Variants in PCSK2 observed in about 807,000 individuals in gnomAD.
The protein encoded by PCSK2 is proprotein convertase subtilisin/kexin type 2.
PCSK2 carries 14 observed loss-of-function variants against 69.7 expected under a neutral mutation model. The ratio of observed to expected loss-of-function variants is 0.20; its 90% CI spans 0.13 to 0.31. The LOEUF (loss-of-function observed/expected upper bound fraction) is 0.31, where lower values mean the gene tolerates loss of function less well. PCSK2 is among the 10% of genes least tolerant of loss of function. The pLI is 1.00. For synonymous variants in PCSK2, 307 were observed against 320.7 expected, an observed-to-expected ratio of 0.96 and a Z score of 0.46; for missense variants, 544 against 842.5, an observed-to-expected ratio of 0.65 and a Z score of 4.39.
rs546790578 is a variant in PCSK2, at chr20:17,479,044, A to G, written c.1431-2540A>G. On this transcript the variant is annotated intron_variant, in intron 11 of 11. Coordinates refer to ENST00000262545, the MANE Select transcript of PCSK2 (RefSeq NM_002594.5). ...CTATTTTTGAAAGGATACACTGACA[A>G]ATTCTTAAGTTAATGGCTTTAACCC... 5 of 1,114,960 alleles carry G rather than the reference A, an allele frequency of 4.5e-6. No homozygotes were observed. In the Admixed American group the frequency reaches 8.6e-5, roughly 19 times the overall value. The allele number at this position is 1,114,960 out of a possible 1,614,324, so 69.1% of individuals were successfully genotyped here.
At chr20:17,303,259 A>G (rs1268709887) in intron 2 of PCSK2, among the ~76,000 whole-genome samples, 1 of 141,190 alleles carries the variant, frequency 7.1e-6, no homozygotes, top group Non-Finnish European at 1.5e-5. Context: ...TATATAATAT[A>G]TATTAGTATA....
intron 8 of PCSK2, among the ~76,000 whole-genome samples, chr20:17,439,017 C>G (rs888649480): frequency 6.6e-6 from 1 of 152,210 alleles, no homozygotes; most frequent in Non-Finnish European, 1.5e-5. Context: ...GGGAACACCT[C>G]CCACAAACAC....
chr20:17,244,158 A>T (rs887678524), intron 1 of PCSK2, among the ~76,000 whole-genome samples: 3 of 152,204 alleles, frequency 2.0e-5, no homozygotes, highest in African/African-American at 7.2e-5. Flanking sequence ...TAGGAAAATA[A>T]TTTTTTAAAT....
At chr20:17,277,376 G>A (rs935293999) in intron 2 of PCSK2, among the ~76,000 whole-genome samples, 5 of 152,120 alleles carry the variant, frequency 3.3e-5, no homozygotes, top group Admixed American at 3.3e-4. Flanking sequence ...CAGATATATA[G>A]ACCAATGGAA....
At chr20:17,399,056 A>G (rs2031578932) in intron 5 of PCSK2, among the ~76,000 whole-genome samples, 2 of 152,246 alleles carry the variant, frequency 1.3e-5, no homozygotes, top group African/African-American at 4.8e-5. Context: ...ATGAAAAAAA[A>G]TAAGTGATTG....
intron 1 of PCSK2, among the ~76,000 whole-genome samples, chr20:17,246,816 G>A (rs776055107): frequency 1.3e-5 from 2 of 151,546 alleles, no homozygotes; most frequent in Non-Finnish European, 2.9e-5. Flanking sequence ...AAAAAAAGTG[G>A]TTTCTCTTTA....
intron 2 of PCSK2, among the ~76,000 whole-genome samples, chr20:17,328,295 C>T (rs1439152063): frequency 6.6e-6 from 1 of 151,008 alleles, no homozygotes; most frequent in Non-Finnish European, 1.5e-5. Flanking sequence ...AGTTTCCTTC[C>T]CATGTATGTG....
chr20:17,387,435 G>T (rs1317702098), intron 5 of PCSK2, among the ~76,000 whole-genome samples: 1 of 152,212 alleles, frequency 6.6e-6, no homozygotes, highest in Non-Finnish European at 1.5e-5. Flanking sequence ...CATGACTGCA[G>T]TCAACTGAAG....
rs1206169244 is a variant in PCSK2 at position 17,335,178 on chromosome 20, G to A, written c.283-23149G>A. ...TTGGGATGCCATATACTTGCAGTCAGACGGCAGCGGAGATTGGGGGGGTTG... is the reference window on the plus strand; with the variant it reads ...TTGGGATGCCATATACTTGCAGTCAAACGGCAGCGGAGATTGGGGGGGTTG... On this transcript the variant is annotated intron_variant, in intron 2 of 11. Coordinates refer to ENST00000262545, the MANE Select transcript of PCSK2 (RefSeq NM_002594.5). Among the ~76,000 whole-genome samples, 3 of 115,330 alleles carry A rather than the reference G, an allele frequency of 2.6e-5. No homozygotes were observed. In the East Asian group the frequency reaches 1.4e-3, roughly 53 times the overall value. The allele number at this position is 115,330 out of a possible 152,430, so 75.7% of individuals were successfully genotyped here.
chr20:17,266,560 G>A (rs2123012723), intron 2 of PCSK2, among the ~76,000 whole-genome samples: 1 of 152,252 alleles, frequency 6.6e-6, no homozygotes, highest in South Asian at 2.1e-4. Context: ...ATTCTTCTAG[G>A]AGAAATTAAA....
intron 2 of PCSK2, among the ~76,000 whole-genome samples, chr20:17,335,427 TTGTGTGTG>T (rs56275148): frequency 7.2e-6 from 1 of 139,192 alleles, no homozygotes; most frequent in Admixed American, 7.1e-5. Flanking sequence ...CAGCATCACT[TTGTGTGTG>T]TGTGTGTGTG....
chr20:17,320,282 C>T (rs73900208), intron 2 of PCSK2, among the ~76,000 whole-genome samples: 1 of 152,180 alleles, frequency 6.6e-6, no homozygotes, highest in African/African-American at 2.4e-5. Context: ...ATAGGACATA[C>T]TCTGAAACCT....
chr20:17,459,511 G>T (rs1186824250), intron 10 of PCSK2, among the ~76,000 whole-genome samples: 1 of 152,130 alleles, frequency 6.6e-6, no homozygotes, highest in Non-Finnish European at 1.5e-5. Flanking sequence ...TTCCTGAAGT[G>T]GGTGTACCCA....
chr20:17,357,287 G>T (rs2030236859), intron 2 of PCSK2, among the ~76,000 whole-genome samples: 1 of 152,154 alleles, frequency 6.6e-6, no homozygotes, highest in African/African-American at 2.4e-5. Context: ...TCAGTGCAAG[G>T]ACACACCATC....
intron 2 of PCSK2, among the ~76,000 whole-genome samples, chr20:17,316,526 A>T (rs1018044361): frequency 2.0e-5 from 3 of 152,156 alleles, no homozygotes; most frequent in Non-Finnish European, 2.9e-5. Context: ...GACCATCTCC[A>T]AATAAACTAC....
In PCSK2 at chr20:17,441,024, G is replaced by A. The variant is rs918933104; in HGVS notation, c.885+4141G>A. On this transcript the variant is annotated intron_variant, in intron 8 of 11. Coordinates refer to ENST00000262545, the MANE Select transcript of PCSK2 (RefSeq NM_002594.5). The stretch of plus-strand genomic sequence containing the variant: ...AGCCACAGGAGGGCTCTGCGGTCAC[G>A]GGGCTAGGCCACACTCACCCTGTTT... Among the ~76,000 whole-genome samples the A allele has an allele frequency of 5.9e-5, 9 of 152,286 alleles. No individual in the cohort carries two copies. In the South Asian group the frequency reaches 6.2e-4, roughly 11 times the overall value.
chr20:17,418,480 C>G (rs1327352987), intron 6 of PCSK2, among the ~76,000 whole-genome samples: 1 of 152,056 alleles, frequency 6.6e-6, no homozygotes. Flanking sequence ...GAGGCTGGTG[C>G]AGGAGGCAGC....
At chr20:17,245,504 T>C (rs1238234869) in intron 1 of PCSK2, among the ~76,000 whole-genome samples, 1 of 152,236 alleles carries the variant, frequency 6.6e-6, no homozygotes, top group African/African-American at 2.4e-5. Flanking sequence ...TAGAAATAAC[T>C]CTGAACCCAA....
intron 11 of PCSK2, among the ~76,000 whole-genome samples, chr20:17,472,200 AC>A (rs539087804): frequency 1.9e-3 from 291 of 152,266 alleles, no homozygotes; most frequent in African/African-American, 5.6e-3. Context: ...CCCTGAGGGG[AC>A]TGTTCACTGA....
Sources: allele counts gnomAD v4.1 joint callset (sites outside exome capture counted in the v4.1 genomes callset), GRCh38; gene constraint gnomAD v4.1.1; transcripts MANE v1.5; gene names NCBI Gene and HGNC (gene_info 2026-07-23, HGNC 2026-07-21).